Variants in ACSM3 observed in about 807,000 individuals in gnomAD.
ACSM3 encodes the protein acyl-coenzyme A synthetase ACSM3, mitochondrial.
A neutral mutation model predicts 74.1 loss-of-function variants in ACSM3; 61 were observed. The ratio of observed to expected loss-of-function variants is 0.82; its 90% CI spans 0.67 to 1.02. The LOEUF (loss-of-function observed/expected upper bound fraction) is 1.02, where lower values mean the gene tolerates loss of function less well. Among genes scored for constraint, ACSM3 ranks in the 50% least tolerant of loss-of-function variants. The pLI is 0.00. For synonymous variants in ACSM3, 213 were observed against 241.5 expected (o/e 0.88, Z 1.09); for missense variants, 660 against 697.0 (o/e 0.95, Z 0.60).
chr16:20,687,456 A>G (rs961706400), intron 1 of ACSM3, among the ~76,000 whole-genome samples: 1 of 152,194 alleles, frequency 6.6e-6, no homozygotes, highest in East Asian at 1.9e-4. Flanking sequence ...AAGCCTTCAC[A>G]CTATGAAGAT....
At chr16:20,725,844 C>T (rs2079803036) in intron 1 of ACSM3, among the ~76,000 whole-genome samples, 1 of 152,114 alleles carries the variant, frequency 6.6e-6, no homozygotes, top group Non-Finnish European at 1.5e-5. Context: ...TGGTGGCACA[C>T]AACGTGTAAT....
intron 1 of ACSM3, chr16:20,680,614 G>A (rs796726038): frequency 1.3e-5 from 2 of 152,218 alleles, no homozygotes; most frequent in African/African-American, 2.4e-5. Flanking sequence ...GTACCGTATC[G>A]CCCGTTGGGG....
In ACSM3 at chr16:20,780,731, A is replaced by G. The variant is rs756477969; in HGVS notation, c.656A>G (p.His219Arg). ...CTTTGCAGACATGCCAGTGACAGCC[A>G]CACCTGTGTGAAGACAAAACACAAT... ...KELMKHASDS[H>R]TCVKTKHNEI... The change falls in exon 5 of 14, where the codon CAC becomes CGC. Residue 219 changes from histidine (H) to arginine (R), a missense_variant. Physicochemically the swap from His to Arg is conservative, Grantham distance 29. Transcript: ENST00000289416. The G allele has an allele frequency of 1.2e-6, 2 of 1,614,206 alleles. No individual in the cohort carries two copies. The highest frequency in any genetic ancestry group is 1.7e-5 in the Admixed American group (1 of 60,018).
intron 1 of ACSM3, chr16:20,691,107 G>A (rs200490565): frequency 5.8e-5 from 93 of 1,613,680 alleles, no homozygotes; most frequent in East Asian, 2.5e-4. Context: ...GACCGGCAGC[G>A]CAGCTGTGAA....
At chr16:20,739,180 T>C (rs1406511891) in intron 1 of ACSM3, 2 of 1,116,658 alleles carry the variant, frequency 1.8e-6, no homozygotes, top group Non-Finnish European at 2.5e-6. Flanking sequence ...GTATTGATTT[T>C]TTTTTTTTTT....
At chr16:20,727,395 C>A in intron 1 of ACSM3, 1 of 570,548 alleles carries the variant, frequency 1.8e-6, no homozygotes, top group Non-Finnish European at 3.4e-6. Flanking sequence ...GGCCCTCACC[C>A]CGGAGGTGCT....
At chr16:20,694,966 T>C (rs1353500579) in intron 1 of ACSM3, among the ~76,000 whole-genome samples, 1 of 152,172 alleles carries the variant, frequency 6.6e-6, no homozygotes, top group African/African-American at 2.4e-5. Flanking sequence ...ACCTCCAGCC[T>C]TCAGAACTTT....
intron 1 of ACSM3, among the ~76,000 whole-genome samples, chr16:20,726,930 A>G (rs527774103): frequency 1.7e-4 from 26 of 152,312 alleles, no homozygotes; most frequent in Non-Finnish European, 2.8e-4. Context: ...TCTGAGCCTC[A>G]ATGTCCTCAT....
intron 1 of ACSM3, chr16:20,734,993 A>T (rs1282580481): frequency 6.6e-6 from 1 of 152,218 alleles, no homozygotes; most frequent in African/African-American, 2.4e-5. Context: ...CCGGGTTAGA[A>T]CAAGATTTGA....
intron 4 of ACSM3, chr16:20,780,283 G>A: frequency 4.2e-6 from 1 of 236,318 alleles, no homozygotes; most frequent in South Asian, 5.9e-5. Context: ...AGTACCCATG[G>A]CTTTTACTAA....
intron 1 of ACSM3, among the ~76,000 whole-genome samples, chr16:20,707,151 G>A (rs889783083): frequency 2.0e-5 from 3 of 152,096 alleles, no homozygotes; most frequent in African/African-American, 7.2e-5. Context: ...AAGTCCATGT[G>A]AGTCCCCAGG....
intron 2 of ACSM3, among the ~76,000 whole-genome samples, chr16:20,753,087 G>T (rs1006207268): frequency 2.0e-5 from 3 of 151,468 alleles, no homozygotes; most frequent in Non-Finnish European, 4.4e-5. Flanking sequence ...AAAAACTTAA[G>T]ATATATATCA....
chr16:20,677,874 A>C (rs192382660), intron 1 of ACSM3, among the ~76,000 whole-genome samples: 31 of 152,302 alleles, frequency 2.0e-4, no homozygotes, highest in Admixed American at 5.9e-4. Context: ...CAAAGAAAAA[A>C]AAGGCTTTTA....
intron 1 of ACSM3, among the ~76,000 whole-genome samples, chr16:20,737,549 C>A (rs1739583233): frequency 6.6e-6 from 1 of 152,096 alleles, no homozygotes; most frequent in Non-Finnish European, 1.5e-5. Flanking sequence ...TCATATCCGA[C>A]ATATTGAAAT....
upstream of ACSM3, among the ~76,000 whole-genome samples, chr16:20,763,179 T>G (rs1596505678): frequency 6.6e-6 from 1 of 152,336 alleles, no homozygotes. Flanking sequence ...CAGTAGCTAT[T>G]CCAGGCAATA....
chr16:20,779,457 A>G (rs1052730983), intron 4 of ACSM3, among the ~76,000 whole-genome samples: 4 of 151,798 alleles, frequency 2.6e-5, no homozygotes, highest in Admixed American at 1.3e-4. Flanking sequence ...AAAGAAAAGA[A>G]AGAAAAGAAA....
intron 1 of ACSM3, among the ~76,000 whole-genome samples, chr16:20,705,214 TACAA>T (rs2079723529): frequency 1.3e-5 from 2 of 151,652 alleles, no homozygotes. Flanking sequence ...CTACTGAAAA[TACAA>T]ACAAATTAGC....
At chr16:20,723,554 T>C (rs977619720) in intron 1 of ACSM3, among the ~76,000 whole-genome samples, 1 of 151,938 alleles carries the variant, frequency 6.6e-6, no homozygotes, top group African/African-American at 2.4e-5. Context: ...TGTTGTTTCC[T>C]GACTTTTTAA....
At chr16:20,785,628 CAG>C (rs1453769674) in intron 8 of ACSM3, among the ~76,000 whole-genome samples, 2 of 151,916 alleles carry the variant, frequency 1.3e-5, no homozygotes, top group Non-Finnish European at 2.9e-5. Flanking sequence ...AAAAGAACAA[CAG>C]TGGTTATTTT....
Sources: gnomAD v4.1 joint callset for allele counts (sites outside exome capture counted in the v4.1 genomes callset) on GRCh38, gnomAD v4.1.1 for gene constraint, MANE v1.5 for transcripts, NCBI Gene and HGNC (gene_info 2026-07-23, HGNC 2026-07-21) for gene names.